DLGAP2: variants seen among roughly 807,000 people sequenced by gnomAD.
The protein encoded by DLGAP2 is disks large-associated protein 2.
In DLGAP2, 26 loss-of-function variants were observed where a neutral mutation model predicts 100.3. That is an observed-to-expected ratio of 0.26 (90% CI 0.19 to 0.36). The LOEUF is 0.36. DLGAP2 is among the 10% of genes least tolerant of loss of function. DLGAP2 has a pLI of 1.00. For missense variants in DLGAP2, 1,858 were observed against 1,453.2 expected (o/e 1.28, Z -4.53); for synonymous variants, 886 against 630.1 (o/e 1.41, Z -6.08).
At chr8:831,371 C>G (rs1188215220) in intron 1 of DLGAP2, among the ~76,000 whole-genome samples, 1 of 152,080 alleles carries the variant, frequency 6.6e-6, no homozygotes. Context: ...CCCCAGCCCC[C>G]CATCCCGCAA....
intron 3 of DLGAP2, among the ~76,000 whole-genome samples, chr8:1,360,351 C>G (rs1234335039): frequency 6.6e-6 from 1 of 151,910 alleles, no homozygotes; most frequent in Non-Finnish European, 1.5e-5. Flanking sequence ...CAACAAATCA[C>G]CAGCCCAGGG....
At chr8:1,658,310 A>G (rs1343258583) in intron 8 of DLGAP2, among the ~76,000 whole-genome samples, 1 of 152,126 alleles carries the variant, frequency 6.6e-6, no homozygotes, top group Non-Finnish European at 1.5e-5. Context: ...CTCCATTTAC[A>G]TATGAAAGCT....
intron 6 of DLGAP2, among the ~76,000 whole-genome samples, chr8:1,603,339 G>T (rs979336142): frequency 2.7e-5 from 4 of 150,830 alleles, no homozygotes; most frequent in African/African-American, 9.8e-5. Context: ...TAGAGTGGAG[G>T]CTGGGTCTCA....
intron 1 of DLGAP2, among the ~76,000 whole-genome samples, chr8:807,634 C>T (rs1372968337): frequency 6.6e-6 from 1 of 150,598 alleles, no homozygotes; most frequent in Non-Finnish European, 1.5e-5. Context: ...TCTTTTTCTT[C>T]TCATTCATAT....
At chr8:1,199,951 C>G (rs192403614) in intron 2 of DLGAP2, among the ~76,000 whole-genome samples, 53 of 152,174 alleles carry the variant, frequency 3.5e-4, no homozygotes, top group Admixed American at 1.2e-3. Context: ...CCCCACAACC[C>G]CCCGCAGAGG....
chr8:1,129,336 G>C (rs1448789194), intron 2 of DLGAP2, among the ~76,000 whole-genome samples: 1 of 151,072 alleles, frequency 6.6e-6, no homozygotes, highest in Non-Finnish European at 1.5e-5. Context: ...CCGGGAGGCA[G>C]AGGTTGTAGC....
At chr8:848,897 G>A (rs539395488) in intron 1 of DLGAP2, among the ~76,000 whole-genome samples, 13 of 136,858 alleles carry the variant, frequency 9.5e-5, no homozygotes, top group South Asian at 2.5e-4. Flanking sequence ...AGGAACGCGC[G>A]GTGCCTGTTC....
At position 1,425,858 on chromosome 8, in the gene DLGAP2, G is replaced by A. The variant is rs568171391; in HGVS notation, c.107-75508G>A. On this transcript the variant is annotated intron_variant, in intron 3 of 14. Coordinates refer to ENST00000637795, the MANE Select transcript of DLGAP2 (RefSeq NM_001346810.2). The stretch of plus-strand genomic sequence containing the variant: ...GCCAGAAGTTCAGTTCAGTGCCTGA[G>A]GCAGGGAATGCGGACTGGAGCTTGG... Among the ~76,000 whole-genome samples the A allele has an allele frequency of 4.0e-4, 61 of 152,284 alleles. No individual in the cohort carries two copies. The South Asian group carries it at 0.012, about 30-fold the overall frequency.
intron 2 of DLGAP2, among the ~76,000 whole-genome samples, chr8:944,635 A>T (rs1186237734): frequency 6.6e-6 from 1 of 152,048 alleles, no homozygotes; most frequent in Non-Finnish European, 1.5e-5. Flanking sequence ...GGGGGTGGTA[A>T]CCAGTCAATA....
At chr8:1,194,208 G>C (rs1304743658) in intron 2 of DLGAP2, among the ~76,000 whole-genome samples, 7 of 152,110 alleles carry the variant, frequency 4.6e-5, no homozygotes, top group Non-Finnish European at 8.8e-5. Context: ...GCCACGCCTT[G>C]TTCTCAGCCC....
chr8:1,276,687 T>C (rs1180342564), intron 3 of DLGAP2, among the ~76,000 whole-genome samples: 2 of 151,992 alleles, frequency 1.3e-5, no homozygotes, highest in Non-Finnish European at 2.9e-5. Context: ...CTTGGATGAG[T>C]AGAACAAGAC....
chr8:1,344,097 TGTCGTGGGTCCATGTATTC>T (rs1801485566), intron 3 of DLGAP2, among the ~76,000 whole-genome samples: 1 of 118,578 alleles, frequency 8.4e-6, no homozygotes, highest in Admixed American at 9.4e-5. Flanking sequence ...CTCGGGGCCC[TGTCGTGGGTCCATGTATTC>T]GGGGCCCTGT....
chr8:1,144,126 G>A (rs1385378183), intron 2 of DLGAP2, among the ~76,000 whole-genome samples: 1 of 152,206 alleles, frequency 6.6e-6, no homozygotes, highest in Admixed American at 6.5e-5. Flanking sequence ...AATTAATGAG[G>A]GGAGTCACGG....
At chr8:1,187,743 G>A (rs1712998982) in intron 2 of DLGAP2, among the ~76,000 whole-genome samples, 1 of 143,532 alleles carries the variant, frequency 7.0e-6, no homozygotes, top group African/African-American at 2.8e-5. Context: ...CGAGACTTCC[G>A]TGACGTTTCC....
chr8:791,596 A>G (rs1389633586), intron 1 of DLGAP2, among the ~76,000 whole-genome samples: 1 of 152,150 alleles, frequency 6.6e-6, no homozygotes, highest in Non-Finnish European at 1.5e-5. Flanking sequence ...TTCTAACATA[A>G]ATAATTATGA....
Position 1,206,383 on chromosome 8 carries a change from T to C in DLGAP2, c.74-52468T>C, listed in dbSNP as rs1048069793. 3.3e-5 allele frequency among the ~76,000 whole-genome samples: 5 copies of C among 151,672 alleles called. 1 individual carries two copies. Among genetic ancestry groups the C allele is most frequent in the Admixed American group, 6.6e-5 (1 of 15,242 alleles). ...GTGGACTGGGGTAGACTGTGAGCGGTTAATCTCCAGCCATCCGTGGACTGG... is the reference window on the plus strand; with the variant it reads ...GTGGACTGGGGTAGACTGTGAGCGGCTAATCTCCAGCCATCCGTGGACTGG... On this transcript the variant is annotated intron_variant, in intron 2 of 14. Transcript: ENST00000637795.
chr8:814,442 G>A (rs1388978185), intron 1 of DLGAP2, among the ~76,000 whole-genome samples: 3 of 152,180 alleles, frequency 2.0e-5, no homozygotes, highest in Admixed American at 6.5e-5. Context: ...AAACAGGCAT[G>A]GAGACTTTAT....
intron 2 of DLGAP2, among the ~76,000 whole-genome samples, chr8:1,188,292 A>G (rs34582125): frequency 0.6 from 42,999 of 71,514 alleles, 11,557 homozygotes; most frequent in Non-Finnish European, 0.61. Context: ...TTTGCCTCAC[A>G]GAATCTCACA....
At chr8:1,092,182 G>C (rs1171931942) in intron 2 of DLGAP2, among the ~76,000 whole-genome samples, 1 of 152,154 alleles carries the variant, frequency 6.6e-6, no homozygotes, top group Non-Finnish European at 1.5e-5. Context: ...CCTGGGTGCA[G>C]CTGGCCTCAC....
Sources: allele counts gnomAD v4.1 joint callset (sites outside exome capture counted in the v4.1 genomes callset), GRCh38; gene constraint gnomAD v4.1.1; transcripts MANE v1.5; gene names NCBI Gene and HGNC (gene_info 2026-07-23, HGNC 2026-07-21).